The following CPNE8 variants were observed in gnomAD, a reference collection of about 807,000 sequenced individuals.
CPNE8 encodes copine 8.
In CPNE8, 45 loss-of-function variants were observed where a neutral mutation model predicts 81.5. That is an observed-to-expected ratio of 0.55 (90% confidence interval 0.44 to 0.71). The LOEUF (loss-of-function observed/expected upper bound fraction) is 0.71. Among genes scored for constraint, CPNE8 ranks in the 30% least tolerant of loss-of-function variants. The pLI is 0.00. For synonymous variants in CPNE8, 252 were observed against 226.3 expected (o/e 1.11, Z -1.02); for missense variants, 594 against 672.1 (o/e 0.88, Z 1.28).
intron 6 of CPNE8, among the ~76,000 whole-genome samples, chr12:38,786,246 C>A (rs1193140850): frequency 1.3e-5 from 2 of 152,112 alleles, no homozygotes; most frequent in Admixed American, 6.6e-5. Flanking sequence ...TACTGAGTGT[C>A]AACTTGATTG....
At chr12:38,701,754 A>G (rs1009332504) in intron 14 of CPNE8, among the ~76,000 whole-genome samples, 3 of 152,142 alleles carry the variant, frequency 2.0e-5, no homozygotes, top group Admixed American at 2.0e-4. Flanking sequence ...TCAGCCTCCC[A>G]AAGTGCTGGT....
chr12:38,893,325 A>T (rs1410018483), intron 1 of CPNE8, among the ~76,000 whole-genome samples: 1 of 152,202 alleles, frequency 6.6e-6, no homozygotes, highest in East Asian at 1.9e-4. Context: ...CCTTGCTGAT[A>T]AAACACACTG....
At chr12:38,752,402 T>G (rs1221070721) in intron 10 of CPNE8, among the ~76,000 whole-genome samples, 1 of 152,200 alleles carries the variant, frequency 6.6e-6, no homozygotes, top group Non-Finnish European at 1.5e-5. Context: ...CTCACCATTT[T>G]CTGTGTGCCT....
At position 38,677,500 on chromosome 12, in the gene CPNE8, T is replaced by A. The variant is rs570404988; in HGVS notation, c.1326A>T (p.Thr442=). 6.8e-6 allele frequency: 11 copies of A among 1,612,594 alleles called. No homozygotes were observed. The highest frequency in any genetic ancestry group is 8.5e-6 in the Non-Finnish European group (10 of 1,179,058). The change falls in exon 17 of 20, where the codon ACA becomes ACT. Residue 442 remains threonine (T), a synonymous_variant. Transcript: ENST00000331366. ...GSQYFVLLIV[T]DGVISDMAQT... ...GGGCCATATCTGAGATAACACCATC[T>A]GTAACAATCAGAAGCACAAAATACT... is the stretch of plus-strand genomic sequence containing the variant.
At chr12:38,773,532 A>C (rs540227076) in intron 7 of CPNE8, among the ~76,000 whole-genome samples, 17 of 152,214 alleles carry the variant, frequency 1.1e-4, no homozygotes, top group Non-Finnish European at 2.5e-4. Context: ...CATAACTTAA[A>C]GCTTCAACAA....
chr12:38,687,404 C>T (rs112030317), intron 15 of CPNE8, among the ~76,000 whole-genome samples: 11,627 of 112,084 alleles, frequency 0.1, 672 homozygotes, highest in East Asian at 0.26. Flanking sequence ...TTTTGTGAGA[C>T]GGACTCTTGC....
chr12:38,825,325 C>T (rs1418153115), intron 6 of CPNE8, among the ~76,000 whole-genome samples: 2 of 152,102 alleles, frequency 1.3e-5, no homozygotes, highest in Non-Finnish European at 2.9e-5. Context: ...TCCCATGTTC[C>T]CATCTCTTCC....
rs181767952 is a variant in CPNE8, at chr12:38,730,552, C to T, written c.723-194G>A. 3.8e-3 allele frequency among the ~76,000 whole-genome samples: 574 copies of T among 151,362 alleles called. 3 individuals are homozygous for T. The highest frequency in any genetic ancestry group is 0.013 in the African/African-American group (534 of 41,362). On this transcript the variant is annotated intron_variant, in intron 10 of 19. Coordinates refer to ENST00000331366, the MANE Select transcript of CPNE8 (RefSeq NM_153634.3). ...TTCATTAATCTAAAATTATGTATGC[C>T]GGACAATTTCATTAATATTCAAATG...
intron 1 of CPNE8, among the ~76,000 whole-genome samples, chr12:38,902,216 A>G (rs1405897347): frequency 6.9e-6 from 1 of 144,168 alleles, no homozygotes; most frequent in African/African-American, 2.8e-5. Context: ...AAAGAAAGAA[A>G]GAGAAAGAGA....
rs540481074 is a variant in CPNE8 at position 38,701,836 on chromosome 12, C to T, written c.961+1039G>A. Among the ~76,000 whole-genome samples, 7 of 152,074 alleles carry T rather than the reference C, an allele frequency of 4.6e-5. No homozygotes were observed. In the South Asian group the frequency reaches 6.2e-4, roughly 14 times the overall value. On this transcript the variant is annotated intron_variant, in intron 14 of 19. Coordinates refer to ENST00000331366, the MANE Select transcript of CPNE8 (RefSeq NM_153634.3). ...GTTCTATATTATGCTGAATAAAACA[C>T]GAGTAAAAATAATTAATTGGAAGCC...
chr12:38,685,348 C>G, intron 16 of CPNE8, 142 bp downstream of exon 16: 1 of 788,964 alleles, frequency 1.3e-6, no homozygotes, highest in Non-Finnish European at 2.0e-6. Flanking sequence ...GAGACTCTTT[C>G]TAACATACAT....
chr12:38,820,526 G>A (rs1182344376), intron 6 of CPNE8, among the ~76,000 whole-genome samples: 2 of 152,084 alleles, frequency 1.3e-5, no homozygotes, highest in Non-Finnish European at 2.9e-5. Context: ...AGCTTTATTA[G>A]TTTTATAGGC....
chr12:38,793,036 C>T (rs1002951815), intron 6 of CPNE8, among the ~76,000 whole-genome samples: 2 of 151,682 alleles, frequency 1.3e-5, no homozygotes. Flanking sequence ...ATTCCAGTAG[C>T]CTTTTATGAT....
At chr12:38,856,560 T>C (rs1309989263) in intron 3 of CPNE8, among the ~76,000 whole-genome samples, 1 of 152,196 alleles carries the variant, frequency 6.6e-6, no homozygotes, top group Non-Finnish European at 1.5e-5. Flanking sequence ...TGGCATGGGT[T>C]GCCTAGAGGG....
chr12:38,816,154 A>T (rs1355857498), intron 6 of CPNE8, among the ~76,000 whole-genome samples: 1 of 152,204 alleles, frequency 6.6e-6, no homozygotes, highest in East Asian at 1.9e-4. Flanking sequence ...TCTGAATTTT[A>T]AAATTCCTAA....
intron 19 of CPNE8, among the ~76,000 whole-genome samples, chr12:38,658,731 T>A (rs1005396096): frequency 3.3e-5 from 5 of 152,012 alleles, no homozygotes; most frequent in Non-Finnish European, 7.4e-5. Context: ...CAGAAGAGAG[T>A]GGGGACCAAT....
At chr12:38,797,654 A>G (rs1047071488) in intron 6 of CPNE8, among the ~76,000 whole-genome samples, 1 of 152,174 alleles carries the variant, frequency 6.6e-6, no homozygotes, top group African/African-American at 2.4e-5. Flanking sequence ...CTCCTCCTCC[A>G]AAGGAACCCA....
intron 10 of CPNE8, among the ~76,000 whole-genome samples, chr12:38,751,064 C>T (rs973873045): frequency 6.6e-6 from 1 of 152,142 alleles, no homozygotes; most frequent in Non-Finnish European, 1.5e-5. Flanking sequence ...AGTCTCCCTG[C>T]ACAAGTTATC....
At chr12:38,823,520 C>T (rs188146688) in intron 6 of CPNE8, among the ~76,000 whole-genome samples, 2 of 152,278 alleles carry the variant, frequency 1.3e-5, no homozygotes, top group Admixed American at 6.5e-5. Context: ...CCCTCCTAAA[C>T]GTCCTTTAGT....
Sources: allele counts gnomAD v4.1 joint callset (sites outside exome capture counted in the v4.1 genomes callset), GRCh38; gene constraint gnomAD v4.1.1; transcripts MANE v1.5; gene names NCBI Gene and HGNC (gene_info 2026-07-23, HGNC 2026-07-21).